The following PHF7 variants were observed in gnomAD, a reference collection of about 807,000 sequenced individuals.
PHF7 encodes the protein PHD finger protein 7, also known as E3 ubiquitin-protein ligase PHF7.
Under a neutral mutation model 47.5 loss-of-function variants are expected in PHF7, and 24 were observed. That is an observed-to-expected ratio of 0.51 (90% CI 0.37 to 0.71). PHF7 has a LOEUF of 0.71. Among genes scored for constraint, PHF7 ranks in the 30% least tolerant of loss-of-function variants. The pLI is 0.00. For missense variants in PHF7, 361 were observed against 456.8 expected (o/e 0.79, Z 1.91); for synonymous variants, 156 against 153.8 (o/e 1.01, Z -0.11).
In PHF7 at chr3:52,423,505, C is replaced by G. The variant is rs747109475; in HGVS notation, c.*188C>G. ...CAGTCCAGATGCCAACAAGGAAATG[C>G]GTTTATGGCTACAAGAGTGCCTCTG... On this transcript the variant is annotated 3_prime_UTR_variant, in exon 11 of 11. Transcript: ENST00000327906. 9.1e-6 allele frequency: 5 copies of G among 548,088 alleles called. No individual in the cohort carries two copies. The highest frequency in any genetic ancestry group is 1.6e-5 in the Non-Finnish European group (5 of 307,732). The allele number at this position is 548,088 out of a possible 1,614,324, so 34.0% of individuals were successfully genotyped here. A position where few individuals can be genotyped will look rare whatever the true frequency, so the allele number is the denominator to read the frequency against.
rs766341138 is a variant in PHF7, at chr3:52,413,981, A to C, written c.42-15A>C. On this transcript the variant is annotated splice_polypyrimidine_tract_variant and intron_variant, in intron 2 of 10. Coordinates refer to ENST00000327906, the MANE Select transcript of PHF7 (RefSeq NM_016483.7). Reference sequence around the variant, plus strand: ...CCCCAAAGAACACCTTGTGCTTCTTATTTCTCTTGTATAGAAAATCTGCCA... The same window carrying C: ...CCCCAAAGAACACCTTGTGCTTCTTCTTTCTCTTGTATAGAAAATCTGCCA... 76 of 1,580,892 alleles carry C rather than the reference A, an allele frequency of 4.8e-5. No individual in the cohort carries two copies. The highest frequency in any genetic ancestry group is 6.4e-5 in the Non-Finnish European group (74 of 1,150,294).
chr3:52,421,633 C>T lies in PHF7; in HGVS notation c.574-15C>T. 6.8e-7 allele frequency: 1 copy of T among 1,460,552 alleles called. No individual in the cohort carries two copies. The highest frequency in any genetic ancestry group is 9.6e-7 in the Non-Finnish European group (1 of 1,039,828). The allele number at this position is 1,460,552 out of a possible 1,614,324, so 90.5% of individuals were successfully genotyped here. On this transcript the variant is annotated splice_polypyrimidine_tract_variant and intron_variant, in intron 7 of 10. Coordinates refer to ENST00000327906, the MANE Select transcript of PHF7 (RefSeq NM_016483.7). ...GTTTTTACAAACACAGAGCTCTTCC[C>T]TGTTTCTCTTACAGAAATATGCCCA... is the stretch of plus-strand genomic sequence containing the variant.
chr3:52,413,165 A>T (rs1705511332), intron 2 of PHF7, among the ~76,000 whole-genome samples: 1 of 152,206 alleles, frequency 6.6e-6, no homozygotes, highest in Admixed American at 6.5e-5. Context: ...CTGTGACAGA[A>T]GGCACTACAT....
In PHF7 at chr3:52,421,019, G is replaced by T. The variant is rs1394547922; in HGVS notation, c.530G>T (p.Ser177Ile). Residue 177 changes from serine (S) to isoleucine (I), a missense_variant, in exon 7 of 11, where the codon AGC (serine) becomes ATC (isoleucine). Ser to Ile is a moderately radical substitution (Grantham distance 142). Transcript: ENST00000327906. ...LSQQSVENIQ[S>I]PCCSQAIYHR... ...CAACAGAGTGTTGAGAACATCCAGA[G>T]CCCGTGTTGTAGTCAAGCCATCTAC... 6.2e-7 allele frequency: 1 copy of T among 1,613,390 alleles called. No homozygotes were observed. Among genetic ancestry groups the T allele is most frequent in the South Asian group, 1.1e-5 (1 of 90,986 alleles).
At chr3:52,420,187 A>C (rs770561969) in intron 5 of PHF7, 124 bp from the exon 6 acceptor site, 1 of 1,102,678 alleles carries the variant, frequency 9.1e-7, no homozygotes, top group South Asian at 1.2e-5. Context: ...CAGAGCATTC[A>C]GGACCACTGA....
chr3:52,420,927 A>G lies in PHF7; in HGVS notation c.438A>G (p.Pro146=), dbSNP rs1165901136. The G allele has an allele frequency of 1.2e-6, 2 of 1,612,148 alleles. No individual in the cohort carries two copies. The highest frequency in any genetic ancestry group is 1.7e-6 in the Non-Finnish European group (2 of 1,179,278). Residue 146 remains proline, a synonymous_variant, in exon 7 of 11, where the codon CCA becomes CCG. Coordinates refer to ENST00000327906, the MANE Select transcript of PHF7 (RefSeq NM_016483.7). ...GATCATTTTGTGACAAACATCGCCCAACACAGAACATCCAACATGGGCATG... is the reference window on the plus strand; with the variant it reads ...GATCATTTTGTGACAAACATCGCCCGACACAGAACATCCAACATGGGCATG... ...EYKSFCDKHR[P]TQNIQHGHVG... is the part of the protein sequence containing the mutation.
Position 52,423,567 on chromosome 3 carries a change from C to T in PHF7, c.*250C>T, listed in dbSNP as rs1705863998. ...TCTCCTCCCACCAAGGATTCTTCCA[C>T]CTTAATCTTGTTTTCATATGCCTCT... On this transcript the variant is annotated 3_prime_UTR_variant, in exon 11 of 11. Transcript: ENST00000327906. The T allele has an allele frequency of 2.5e-6, 1 of 402,668 alleles. No homozygotes were observed. 24.9% of individuals were successfully genotyped at this position (402,668 alleles called of 1,614,324 possible).
chr3:52,417,568 A>T (rs1705662461), intron 4 of PHF7, among the ~76,000 whole-genome samples: 1 of 152,116 alleles, frequency 6.6e-6, no homozygotes, highest in Non-Finnish European at 1.5e-5. Context: ...TTTTTATTTC[A>T]TTTTTAAGTT....
In PHF7 at chr3:52,412,833, C is replaced by T; in HGVS notation, c.-47C>T. ...TAGCTGGAAGAGCCTGTATTGTCCTCACAATAGTATAGAAGAATTCAAGAG... is the reference window on the plus strand; with the variant it reads ...TAGCTGGAAGAGCCTGTATTGTCCTTACAATAGTATAGAAGAATTCAAGAG... On this transcript the variant is annotated 5_prime_UTR_variant, in exon 2 of 11. Coordinates refer to ENST00000327906, the MANE Select transcript of PHF7 (RefSeq NM_016483.7). The T allele has an allele frequency of 6.2e-6, 9 of 1,452,160 alleles. No individual in the cohort carries two copies. Among genetic ancestry groups the T allele is most frequent in the Non-Finnish European group, 8.7e-6 (9 of 1,035,830 alleles). The allele number at this position is 1,452,160 out of a possible 1,614,324, so 90.0% of individuals were successfully genotyped here.
intron 7 of PHF7, 87 bp from the exon 8 acceptor site, chr3:52,421,561 C>T: frequency 2.5e-6 from 2 of 810,348 alleles, no homozygotes; most frequent in Admixed American, 1.8e-5. Flanking sequence ...TTAGCAACAT[C>T]CTCTTTGTAG....
At chr3:52,422,916 G>A in intron 10 of PHF7, 35 bp downstream of exon 10, 2 of 1,613,710 alleles carry the variant, frequency 1.2e-6, no homozygotes, top group Non-Finnish European at 8.5e-7. Flanking sequence ...CTCAGAGCAA[G>A]GAGGGGGCTG....
At chr3:52,413,061 T>G (rs889833871) in intron 2 of PHF7, 141 bp downstream of exon 2, 2 of 673,952 alleles carry the variant, frequency 3.0e-6, no homozygotes, top group African/African-American at 3.6e-5. Flanking sequence ...GGAGCTGTCA[T>G]ACCTGTCTTA....
rs1039327635 is a variant in PHF7, at chr3:52,414,647, T to C, written c.186+60T>C. On this transcript the variant is annotated intron_variant, in intron 4 of 10. Coordinates refer to ENST00000327906, the MANE Select transcript of PHF7 (RefSeq NM_016483.7). ...ATGGCTTTTGGTGTACTGACTGTTC[T>C]CTGTTACATTCATCCTCATATCCAC... is the stretch of plus-strand genomic sequence containing the variant. The C allele has an allele frequency of 1.2e-5, 11 of 889,348 alleles. No homozygotes were observed. The African/African-American group carries it at 1.5e-4, about 12-fold the overall frequency. The allele number at this position is 889,348 out of a possible 1,614,324, so 55.1% of individuals were successfully genotyped here.
Position 52,423,295 on chromosome 3 carries a change from A to T in PHF7, c.1124A>T (p.Asn375Ile). The T allele has an allele frequency of 1.9e-6, 3 of 1,612,832 alleles. No individual in the cohort carries two copies. Among genetic ancestry groups the T allele is most frequent in the Non-Finnish European group, 2.5e-6 (3 of 1,178,924 alleles). Residue 375 changes from asparagine to isoleucine, a missense_variant, in exon 11 of 11, where the codon AAC (asparagine) becomes ATC (isoleucine). Physicochemically the swap from Asn to Ile is moderately radical, Grantham distance 149 (BLOSUM62 -3). Transcript: ENST00000327906. Reference sequence around the variant, plus strand: ...AGGTCCAAGGGTGTCAGAATCACTAACAGCTGCAAAAAATCCAAGTAACAC... The same window carrying T: ...AGGTCCAAGGGTGTCAGAATCACTATCAGCTGCAAAAAATCCAAGTAACAC... ...SWRSKGVRIT[N>I]SCKKSK
chr3:52,417,607 T>C (rs752066079), intron 4 of PHF7, among the ~76,000 whole-genome samples: 7 of 152,240 alleles, frequency 4.6e-5, no homozygotes, highest in Non-Finnish European at 1.0e-4. Flanking sequence ...ATGCATTTTA[T>C]TTTTGTATAT....
chr3:52,419,024 C>T (rs536826368), intron 4 of PHF7, among the ~76,000 whole-genome samples: 12 of 152,128 alleles, frequency 7.9e-5, no homozygotes, highest in African/African-American at 1.7e-4. Context: ...AGGCTGGTCT[C>T]GAACTCCTGA....
At chr3:52,413,474 A>G (rs934067478) in intron 2 of PHF7, among the ~76,000 whole-genome samples, 1 of 152,184 alleles carries the variant, frequency 6.6e-6, no homozygotes, top group East Asian at 1.9e-4. Flanking sequence ...CACTGGGGAG[A>G]GAAAGATGCT....
intron 1 of PHF7, 132 bp from the exon 2 acceptor site, chr3:52,412,678 CA>C: frequency 1.7e-6 from 1 of 576,774 alleles, no homozygotes; most frequent in East Asian, 2.9e-5. Flanking sequence ...TAACACATGT[CA>C]AGTACCTAGA....
At chr3:52,418,652 G>A (rs778425528) in intron 4 of PHF7, among the ~76,000 whole-genome samples, 7 of 152,104 alleles carry the variant, frequency 4.6e-5, no homozygotes, top group Non-Finnish European at 1.0e-4. Context: ...GATGCAGCAG[G>A]AAGGGTAAGA....
Sources: gnomAD v4.1 joint callset for allele counts (sites outside exome capture counted in the v4.1 genomes callset) on GRCh38, gnomAD v4.1.1 for gene constraint, MANE v1.5 for transcripts, NCBI Gene and HGNC (gene_info 2026-07-23, HGNC 2026-07-21) for gene names.